NT5DC1: variants seen among roughly 807,000 people sequenced by gnomAD.
NT5DC1 encodes the protein 5'-nucleotidase domain-containing protein 1.
NT5DC1 carries 42 observed loss-of-function variants against 59.4 expected under a neutral mutation model. The observed-to-expected ratio is 0.71, with a 90% CI of 0.55 to 0.92. The LOEUF (loss-of-function observed/expected upper bound fraction) is 0.92, where lower values mean the gene tolerates loss of function less well. Ranked by LOEUF, NT5DC1 falls within the 40% of genes least tolerant of loss-of-function variation. The pLI, the probability that NT5DC1 is intolerant of heterozygous loss-of-function variation, is 0.00. For missense variants in NT5DC1, 501 were observed against 537.1 expected (o/e 0.93, Z 0.66); for synonymous variants, 172 against 188.1 (o/e 0.91, Z 0.70).
At chr6:116,186,924 T>C (rs1431462451) in intron 6 of NT5DC1, among the ~76,000 whole-genome samples, 1 of 152,098 alleles carries the variant, frequency 6.6e-6, no homozygotes, top group African/African-American at 2.4e-5. Flanking sequence ...GTGTTATCTT[T>C]TGGGGGTGTT....
chr6:116,222,972 T>C, intron 7 of NT5DC1, 62 bp from the exon 8 acceptor site: 1 of 834,308 alleles, frequency 1.2e-6, no homozygotes, highest in Non-Finnish European at 2.0e-6. Context: ...GATCAAGTTC[T>C]GTTTTATATG....
chr6:116,242,981 T>C (rs1771766791), intron 11 of NT5DC1, among the ~76,000 whole-genome samples: 2 of 152,138 alleles, frequency 1.3e-5, no homozygotes, highest in Non-Finnish European at 2.9e-5. Context: ...TAGTGTTAGC[T>C]CCTCTCTCCG....
At chr6:116,144,892 CAG>C (rs1002310056) in intron 6 of NT5DC1, among the ~76,000 whole-genome samples, 14 of 152,116 alleles carry the variant, frequency 9.2e-5, no homozygotes, top group Non-Finnish European at 1.3e-4. Flanking sequence ...CGTTTTCAAA[CAG>C]GGGATCTTAG....
chr6:116,211,351 C>T (rs1303115851), intron 6 of NT5DC1, among the ~76,000 whole-genome samples: 1 of 151,932 alleles, frequency 6.6e-6, no homozygotes, highest in Non-Finnish European at 1.5e-5. Flanking sequence ...TTATTTTAAG[C>T]CATCATGTTT....
At chr6:116,177,256 G>T (rs373617397) in intron 6 of NT5DC1, among the ~76,000 whole-genome samples, 3 of 152,056 alleles carry the variant, frequency 2.0e-5, no homozygotes, top group African/African-American at 7.2e-5. Flanking sequence ...TCCCTTGACT[G>T]TTTATAACAT....
In NT5DC1 at chr6:116,117,919, A is replaced by G. The variant is rs1778999770; in HGVS notation, c.503A>G (p.His168Arg). The G allele has an allele frequency of 1.3e-6, 2 of 1,573,210 alleles. No individual in the cohort carries two copies. The highest frequency in any genetic ancestry group is 1.8e-6 in the Non-Finnish European group (2 of 1,142,810). ...FWKDIVAAIQ[H>R]NYKMSAFKEN... ...AAGGATATAGTTGCTGCTATACAACACAATTATAAAATGTCAGCTTTTAAG... is the reference window on the plus strand; with the variant it reads ...AAGGATATAGTTGCTGCTATACAACGCAATTATAAAATGTCAGCTTTTAAG... The change falls in exon 6 of 12, where the codon CAC (histidine) becomes CGC (arginine). Residue 168 changes from histidine to arginine, a missense_variant. His to Arg is a conservative substitution (Grantham distance 29, BLOSUM62 0). Transcript: ENST00000319550.
At chr6:116,202,959 A>AT (rs1781377309) in intron 6 of NT5DC1, among the ~76,000 whole-genome samples, 1 of 151,992 alleles carries the variant, frequency 6.6e-6, no homozygotes, top group African/African-American at 2.4e-5. Flanking sequence ...GGGCTGTCTC[A>AT]TAATAAACTT....
At chr6:116,102,373 G>T (rs1456247725) in intron 1 of NT5DC1, among the ~76,000 whole-genome samples, 2 of 152,130 alleles carry the variant, frequency 1.3e-5, no homozygotes, top group Admixed American at 1.3e-4. Flanking sequence ...TTACCTTACA[G>T]GTCTGGTTTC....
chr6:116,164,608 G>T (rs891907760), intron 6 of NT5DC1, among the ~76,000 whole-genome samples: 1 of 152,088 alleles, frequency 6.6e-6, no homozygotes, highest in Admixed American at 6.6e-5. Context: ...TTTGTTCCTT[G>T]CCTAATATTG....
At chr6:116,125,812 A>G (rs1779285105) in intron 6 of NT5DC1, 1 of 243,826 alleles carries the variant, frequency 4.1e-6, no homozygotes, top group Non-Finnish European at 8.1e-6. Flanking sequence ...ATAGCCTGAA[A>G]TATCTAATAG....
chr6:116,226,582 TGTTA>T (rs1781913288), intron 8 of NT5DC1, among the ~76,000 whole-genome samples: 1 of 152,108 alleles, frequency 6.6e-6, no homozygotes, highest in South Asian at 2.1e-4. Flanking sequence ...CAGTATTTTC[TGTTA>T]GTTGTATAGT....
chr6:116,119,947 C>T, intron 6 of NT5DC1: 1 of 943,168 alleles, frequency 1.1e-6, no homozygotes, highest in South Asian at 1.4e-5. Flanking sequence ...TCTGATAGCT[C>T]AAATCTGTAT....
chr6:116,147,566 G>A (rs1188832073), intron 6 of NT5DC1, among the ~76,000 whole-genome samples: 1 of 152,064 alleles, frequency 6.6e-6, no homozygotes, highest in Non-Finnish European at 1.5e-5. Context: ...AGTATTTAAA[G>A]CAAAACAATA....
intron 1 of NT5DC1, 119 bp from the exon 2 acceptor site, chr6:116,106,125 A>T (rs1355879351): frequency 7.0e-6 from 5 of 711,804 alleles, no homozygotes; most frequent in Non-Finnish European, 1.3e-5. Flanking sequence ...TCACAATTAC[A>T]GATATTTCCT....
intron 6 of NT5DC1, chr6:116,119,744 G>GT (rs371155563): frequency 0.02 from 4,237 of 210,906 alleles, 1 homozygote; most frequent in Middle Eastern, 0.039. Context: ...CTCTATTTCT[G>GT]TTTTTTTTTT....
intron 2 of NT5DC1, among the ~76,000 whole-genome samples, chr6:116,106,577 A>G (rs1778772883): frequency 6.6e-6 from 1 of 152,230 alleles, no homozygotes; most frequent in Admixed American, 6.5e-5. Context: ...TTATGTGACT[A>G]ATTTGGATAT....
intron 6 of NT5DC1, among the ~76,000 whole-genome samples, chr6:116,132,385 G>A (rs1366027097): frequency 6.6e-6 from 1 of 151,716 alleles, no homozygotes; most frequent in Non-Finnish European, 1.5e-5. Context: ...TACTTTTCCT[G>A]TACATGTTCT....
At chr6:116,151,070 A>T (rs1210217120) in intron 6 of NT5DC1, among the ~76,000 whole-genome samples, 2 of 152,076 alleles carry the variant, frequency 1.3e-5, no homozygotes, top group Non-Finnish European at 2.9e-5. Flanking sequence ...CTGAGTTTTT[A>T]TTTTTTTGTG....
intron 6 of NT5DC1, among the ~76,000 whole-genome samples, chr6:116,180,984 A>G (rs1310219618): frequency 6.6e-6 from 1 of 152,102 alleles, no homozygotes; most frequent in Admixed American, 6.6e-5. Flanking sequence ...TTCAGGTGTC[A>G]TGTAGCTTAA....
Sources: allele counts gnomAD v4.1 joint callset (sites outside exome capture counted in the v4.1 genomes callset), GRCh38; gene constraint gnomAD v4.1.1; transcripts MANE v1.5; gene names NCBI Gene and HGNC (gene_info 2026-07-23, HGNC 2026-07-21).